Variants in KAZN observed in about 807,000 individuals in gnomAD.
KAZN encodes kazrin, periplakin interacting protein.
In KAZN, 40 loss-of-function variants were observed where a neutral mutation model predicts 87.4. The ratio of observed to expected loss-of-function variants is 0.46; its 90% CI spans 0.36 to 0.60. The LOEUF (loss-of-function observed/expected upper bound fraction) is 0.60, where lower values mean the gene tolerates loss of function less well. Ranked by LOEUF, KAZN falls within the 20% of genes least tolerant of loss-of-function variation. The pLI is 0.00. For missense variants in KAZN, 898 were observed against 1,073.9 expected (o/e 0.84, Z 2.29); for synonymous variants, 466 against 458.3 (o/e 1.02, Z -0.22).
At chr1:14,688,681 C>G (rs370629031) in intron 1 of KAZN, among the ~76,000 whole-genome samples, 4 of 152,236 alleles carry the variant, frequency 2.6e-5, no homozygotes, top group Non-Finnish European at 4.4e-5. Context: ...GAAGAAAGCT[C>G]AACATGATTG....
At chr1:14,788,483 T>G (rs1399097337) in intron 1 of KAZN, among the ~76,000 whole-genome samples, 1 of 151,436 alleles carries the variant, frequency 6.6e-6, no homozygotes, top group Non-Finnish European at 1.5e-5. Flanking sequence ...TCAAGAATAG[T>G]CTCTGTCCAA....
At chr1:14,960,390 T>G (rs1016206492) in intron 1 of KAZN, among the ~76,000 whole-genome samples, 57 of 152,194 alleles carry the variant, frequency 3.7e-4, no homozygotes, top group African/African-American at 1.3e-3. Flanking sequence ...TGATGCTAAC[T>G]CCTAAGACCG....
intron 1 of KAZN, among the ~76,000 whole-genome samples, chr1:14,607,290 G>A (rs887912597): frequency 6.6e-6 from 1 of 152,154 alleles, no homozygotes; most frequent in Non-Finnish European, 1.5e-5. Context: ...TACAGTGTTT[G>A]TCATTTTACA....
chr1:14,419,476 C>T (rs1217318174), intron 2 of KAZN, among the ~76,000 whole-genome samples: 3 of 152,200 alleles, frequency 2.0e-5, no homozygotes, highest in Non-Finnish European at 4.4e-5. Context: ...GAAGCACTCG[C>T]CTCTTCCCTG....
chr1:14,966,723 G>A (rs1435082971), intron 2 of KAZN, among the ~76,000 whole-genome samples: 3 of 152,090 alleles, frequency 2.0e-5, no homozygotes, highest in African/African-American at 7.2e-5. Flanking sequence ...CCAGACTGGA[G>A]TACAGTGGCG....
intron 1 of KAZN, among the ~76,000 whole-genome samples, chr1:14,760,844 A>T (rs1165658357): frequency 6.6e-6 from 1 of 152,224 alleles, no homozygotes; most frequent in East Asian, 1.9e-4. Flanking sequence ...ACTTTTTTCT[A>T]TAGAGGGCCA....
intron 2 of KAZN, among the ~76,000 whole-genome samples, chr1:14,418,399 T>G (rs1301074387): frequency 6.6e-6 from 1 of 152,148 alleles, no homozygotes; most frequent in African/African-American, 2.4e-5. Context: ...GCCTGGCACA[T>G]AGGAAGCACT....
intron 1 of KAZN, among the ~76,000 whole-genome samples, chr1:13,984,081 G>A (rs959492555): frequency 1.1e-4 from 16 of 151,828 alleles, no homozygotes; most frequent in Admixed American, 1.3e-4. Context: ...TGTGATCTCC[G>A]CTCACTACAA....
chr1:14,986,349 C>T (rs949964063), intron 2 of KAZN, among the ~76,000 whole-genome samples: 3 of 152,176 alleles, frequency 2.0e-5, no homozygotes, highest in Admixed American at 1.3e-4. Flanking sequence ...TTTTGCAAAA[C>T]GCCACCTCAC....
At chr1:15,001,381 A>G (rs7529272) in intron 2 of KAZN, among the ~76,000 whole-genome samples, 25,060 of 151,208 alleles carry the variant, frequency 0.17, 2,334 homozygotes, top group East Asian at 0.34. Flanking sequence ...CACGAGAATC[A>G]CTTGAACCCA....
chr1:13,908,743 C>A (rs1354841538), intron 1 of KAZN, among the ~76,000 whole-genome samples: 1 of 152,138 alleles, frequency 6.6e-6, no homozygotes, highest in Non-Finnish European at 1.5e-5. Context: ...TTTCAAGGGT[C>A]ATAAACTTCT....
chr1:14,422,141 T>C (rs1311658712), intron 2 of KAZN, among the ~76,000 whole-genome samples: 3 of 152,270 alleles, frequency 2.0e-5, no homozygotes, highest in South Asian at 4.1e-4. Context: ...AATAGGCAAA[T>C]CGCTATTTTA....
chr1:14,343,744 A>G (rs1657905631), intron 2 of KAZN, among the ~76,000 whole-genome samples: 1 of 152,196 alleles, frequency 6.6e-6, no homozygotes, highest in Admixed American at 6.5e-5. Flanking sequence ...CTCCCTTTCA[A>G]TTAATTCCTC....
chr1:13,931,465 T>C (rs1341360276), intron 1 of KAZN, among the ~76,000 whole-genome samples: 4 of 151,244 alleles, frequency 2.6e-5, no homozygotes, highest in Admixed American at 2.6e-4. Context: ...TGTGTGTGTG[T>C]GCATGCGTGT....
chr1:14,485,793 T>C (rs2148399610), intron 2 of KAZN, among the ~76,000 whole-genome samples: 1 of 149,944 alleles, frequency 6.7e-6, no homozygotes, highest in East Asian at 2.0e-4. Flanking sequence ...CTTAGGAGGC[T>C]GAGGCAGGAG....
chr1:14,898,715 T>C (rs940241973), intron 1 of KAZN, among the ~76,000 whole-genome samples: 1 of 152,146 alleles, frequency 6.6e-6, no homozygotes, highest in East Asian at 1.9e-4. Context: ...CATGATAGAC[T>C]GTCTGTGCTG....
rs949519803 is a variant in KAZN, at chr1:15,066,824, G to A, written c.1222+1071G>A. On this transcript the variant is annotated intron_variant, in intron 8 of 14. Coordinates refer to ENST00000376030, the MANE Select transcript of KAZN (RefSeq NM_201628.3). The surrounding 1 kb of genome is among the most constrained non-coding windows in gnomAD (Gnocchi z 4.3). ...GGTTCTTCTCTCTCCTTCTCTCTCT[G>A]TCTCTCCCATTCTCCTGCCCATGCA... 1 of 985,366 alleles carries A rather than the reference G, an allele frequency of 1.0e-6. No homozygotes were observed. The highest frequency in any genetic ancestry group is 1.2e-6 in the Non-Finnish European group (1 of 829,980). 61.0% of individuals were successfully genotyped at this position (985,366 alleles called of 1,614,324 possible).
At chr1:15,092,162 C>T (rs557691853) in intron 8 of KAZN, among the ~76,000 whole-genome samples, 21 of 150,340 alleles carry the variant, frequency 1.4e-4, no homozygotes, top group South Asian at 1.3e-3. Context: ...CCTCAACCTC[C>T]GCCTCCTGGG....
intron 1 of KAZN, among the ~76,000 whole-genome samples, chr1:14,607,118 G>A (rs1677432242): frequency 6.6e-6 from 1 of 152,028 alleles, no homozygotes; most frequent in Non-Finnish European, 1.5e-5. Context: ...TAAATGATGG[G>A]GTGTGTGGAC....
Sources: gnomAD v4.1 joint callset for allele counts (sites outside exome capture counted in the v4.1 genomes callset) on GRCh38, gnomAD v4.1.1 for gene constraint, Gnocchi (gnomAD v3.1) non-coding constraint, MANE v1.5 for transcripts, NCBI Gene and HGNC (gene_info 2026-07-23, HGNC 2026-07-21) for gene names.